Variants in PARP8 observed in about 807,000 individuals in gnomAD.
PARP8 encodes protein mono-ADP-ribosyltransferase PARP8.
PARP8 carries 51 observed loss-of-function variants against 124.1 expected under a neutral mutation model. That is an observed-to-expected ratio of 0.41 (90% CI 0.33 to 0.52). PARP8 has a LOEUF of 0.52. PARP8 is among the 20% of genes least tolerant of loss of function. The pLI is 0.21. For synonymous variants in PARP8, 391 were observed against 361.5 expected, an observed-to-expected ratio of 1.08 and a Z score of -0.93; for missense variants, 860 against 1,018.9, an observed-to-expected ratio of 0.84 and a Z score of 2.12.
At chr5:50,703,690 G>A (rs1196503743) in intron 2 of PARP8, among the ~76,000 whole-genome samples, 2 of 151,998 alleles carry the variant, frequency 1.3e-5, no homozygotes, top group African/African-American at 4.8e-5. Context: ...TTGTATAATG[G>A]TCTAACTCTA....
rs1741577095 is a variant in PARP8, at chr5:50,788,569, A to T, written c.717A>T (p.Gly239=). 9 of 1,613,160 alleles carry T rather than the reference A, an allele frequency of 5.6e-6. No homozygotes were observed. The highest frequency in any genetic ancestry group is 1.1e-5 in the South Asian group (1 of 91,032). ...AGATTTCCACAAAAGAGCGATTTGG[A>T]TTGGGACATCAGCTGAAAAAGTAAG... The part of the protein sequence containing the change: ...VFQISTKERF[G]LGHQLKKIMQ... The change falls in exon 10 of 26, where the codon GGA becomes GGT. Residue 239 remains glycine (G), a synonymous_variant. Coordinates refer to ENST00000281631, the MANE Select transcript of PARP8 (RefSeq NM_024615.4).
intron 19 of PARP8, 41 bp downstream of exon 19, chr5:50,826,844 GGGA>G (rs1279196415): frequency 6.3e-7 from 1 of 1,577,822 alleles, no homozygotes; most frequent in Non-Finnish European, 8.6e-7. Flanking sequence ...ATACAGAAAT[GGGA>G]GGAGTACTTA....
chr5:50,816,407 A>G (rs549077985), intron 15 of PARP8, among the ~76,000 whole-genome samples: 1 of 152,320 alleles, frequency 6.6e-6, no homozygotes, highest in Non-Finnish European at 1.5e-5. Context: ...AATACAAACT[A>G]TAGGACAGTA....
chr5:50,758,630 A>G lies in PARP8; in HGVS notation c.185-1013A>G, dbSNP rs78020077. ...CTAGCAGAAATTGATCCATGCTTCT[A>G]TTATGTGTTCGTGGTATTTTATACT... On this transcript the variant is annotated intron_variant, in intron 3 of 25. Transcript: ENST00000281631. 6.9e-3 allele frequency among the ~76,000 whole-genome samples: 1,054 copies of G among 152,290 alleles called. 8 individuals carry two copies. The highest frequency in any genetic ancestry group is 0.039 in the East Asian group (203 of 5,184).
At chr5:50,789,935 T>C (rs549249910) in intron 10 of PARP8, among the ~76,000 whole-genome samples, 29 of 152,268 alleles carry the variant, frequency 1.9e-4, no homozygotes, top group African/African-American at 6.7e-4. Context: ...ATTTGATATA[T>C]GAAATAGAGA....
At chr5:50,773,327 TA>T (rs1218334172) in intron 7 of PARP8, among the ~76,000 whole-genome samples, 1 of 152,248 alleles carries the variant, frequency 6.6e-6, no homozygotes, top group African/African-American at 2.4e-5. Flanking sequence ...TTTAAATCTT[TA>T]ATCCACTTTA....
intron 14 of PARP8, among the ~76,000 whole-genome samples, chr5:50,810,212 C>G (rs1052535045): frequency 6.6e-6 from 1 of 151,834 alleles, no homozygotes; most frequent in African/African-American, 2.4e-5. Flanking sequence ...GTTTTACAAT[C>G]TAAATTAGAG....
intron 2 of PARP8, among the ~76,000 whole-genome samples, chr5:50,693,547 A>C (rs1752708855): frequency 6.6e-6 from 1 of 152,028 alleles, no homozygotes. Flanking sequence ...AGTTATGCAT[A>C]CTTGTTATGA....
rs376783344 is a variant in PARP8 at position 50,843,339 on chromosome 5, C to A, written c.*1271C>A. 6.6e-6 allele frequency: 1 copy of A among 151,212 alleles called. No homozygotes were observed. The highest frequency in any genetic ancestry group is 1.5e-5 in the Non-Finnish European group (1 of 67,700). 9.4% of individuals were successfully genotyped at this position (151,212 alleles called of 1,614,324 possible). On this transcript the variant is annotated 3_prime_UTR_variant, in exon 26 of 26. Transcript: ENST00000281631. ...AGTGAGTCTGCCACTCTATTCAAACCCTGAATCAAGGCTCTATCTGATTTT... is the reference window on the plus strand; with the variant it reads ...AGTGAGTCTGCCACTCTATTCAAACACTGAATCAAGGCTCTATCTGATTTT...
chr5:50,782,519 A>C (rs572674390), intron 9 of PARP8, among the ~76,000 whole-genome samples: 1 of 152,332 alleles, frequency 6.6e-6, no homozygotes, highest in East Asian at 1.9e-4. Context: ...TTCCAGGAGA[A>C]TAATTAGGTT....
In PARP8 at chr5:50,846,126, T is replaced by C. The variant is rs1025169192; in HGVS notation, c.*4058T>C. On this transcript the variant is annotated 3_prime_UTR_variant, in exon 26 of 26. Transcript: ENST00000281631. Reference sequence around the variant, plus strand: ...TTTACATAGTCAATATAATTTAATGTTCTAAAAATAATATCTTCGATCTGC... The same window carrying C: ...TTTACATAGTCAATATAATTTAATGCTCTAAAAATAATATCTTCGATCTGC... 1 of 151,762 alleles carries C rather than the reference T, an allele frequency of 6.6e-6. No homozygotes were observed. Among genetic ancestry groups the C allele is most frequent in the African/African-American group, 2.4e-5 (1 of 41,402 alleles). The allele number at this position is 151,762 out of a possible 1,614,324, so 9.4% of individuals were successfully genotyped here.
At chr5:50,751,737 A>G (rs1253002155) in intron 3 of PARP8, among the ~76,000 whole-genome samples, 4 of 152,158 alleles carry the variant, frequency 2.6e-5, no homozygotes, top group African/African-American at 9.6e-5. Context: ...TTCCCAAAAC[A>G]TGTAGTTTGG....
In PARP8 at chr5:50,709,883, T is replaced by TG. The variant is rs1303780623; in HGVS notation, c.147-40261dup. On this transcript the variant is annotated intron_variant, in intron 2 of 25. Transcript: ENST00000281631. ...TGTGTGTGTGTGTGTGTGTTTGTGT[T>TG]GGGGGGGAGAGACTATGAGAATATG... Among the ~76,000 whole-genome samples, 16 of 117,318 alleles carry TG rather than the reference T, an allele frequency of 1.4e-4. No individual in the cohort carries two copies. In the East Asian group the frequency reaches 3.2e-3, roughly 24 times the overall value. 77.0% of individuals were successfully genotyped at this position (117,318 alleles called of 152,430 possible). A position where few individuals can be genotyped will look rare whatever the true frequency, so the allele number is the denominator to read the frequency against.
intron 25 of PARP8, among the ~76,000 whole-genome samples, chr5:50,836,525 C>T (rs528273984): frequency 1.4e-5 from 2 of 140,588 alleles, no homozygotes; most frequent in South Asian, 2.4e-4. Context: ...GGAAGCAGTC[C>T]TGTTGGGAAG....
rs1414183168 is a variant in PARP8, at chr5:50,784,039, TA to T, written c.671-4478del. Among the ~76,000 whole-genome samples, 3 of 152,310 alleles carry T rather than the reference TA, an allele frequency of 2.0e-5. No individual in the cohort carries two copies. In the East Asian group the frequency reaches 5.8e-4, roughly 29 times the overall value. On this transcript the variant is annotated intron_variant, in intron 9 of 25. Coordinates refer to ENST00000281631, the MANE Select transcript of PARP8 (RefSeq NM_024615.4). Reference sequence around the variant, plus strand: ...TTTTTGAAATAACAATTCAGTGATTTAAAAAATCGGTGATTTAAAAAGAGTG... The same window carrying T: ...TTTTTGAAATAACAATTCAGTGATTTAAAAATCGGTGATTTAAAAAGAGTG...
intron 14 of PARP8, among the ~76,000 whole-genome samples, chr5:50,809,913 C>G (rs1311740109): frequency 6.6e-6 from 1 of 151,884 alleles, no homozygotes; most frequent in Non-Finnish European, 1.5e-5. Flanking sequence ...ATTTCTATTA[C>G]CAGTAGAGGG....
At chr5:50,784,364 A>G (rs1487747087) in intron 9 of PARP8, among the ~76,000 whole-genome samples, 1 of 152,198 alleles carries the variant, frequency 6.6e-6, no homozygotes. Context: ...TGCTTTAAAT[A>G]AAGATATGAT....
chr5:50,759,457 T>G (rs1561339627), intron 3 of PARP8, among the ~76,000 whole-genome samples, 186 bp from the exon 4 acceptor site: 1 of 152,204 alleles, frequency 6.6e-6, no homozygotes, highest in African/African-American at 2.4e-5. Context: ...AAGAGACTAT[T>G]TACAATTACT....
chr5:50,692,692 A>G (rs979705334), intron 2 of PARP8, among the ~76,000 whole-genome samples: 38 of 152,194 alleles, frequency 2.5e-4, no homozygotes, highest in Non-Finnish European at 3.8e-4. Flanking sequence ...CTGGTAAAAA[A>G]ATAATACTTT....
Sources: allele counts gnomAD v4.1 joint callset (sites outside exome capture counted in the v4.1 genomes callset), GRCh38; gene constraint gnomAD v4.1.1; transcripts MANE v1.5; gene names NCBI Gene and HGNC (gene_info 2026-07-23, HGNC 2026-07-21).